ARHGEF3: variants seen among roughly 807,000 people sequenced by gnomAD.
ARHGEF3 encodes 59.8 kDA protein.
In ARHGEF3, 28 loss-of-function variants were observed where a neutral mutation model predicts 63.2. The ratio of observed to expected loss-of-function variants is 0.44; its 90% confidence interval spans 0.33 to 0.61. The LOEUF is 0.61. ARHGEF3 is among the 20% of genes least tolerant of loss of function. ARHGEF3 has a pLI of 0.03. For synonymous variants in ARHGEF3, 266 were observed against 254.2 expected (o/e 1.05, Z -0.44); for missense variants, 533 against 659.3 (o/e 0.81, Z 2.10).
In ARHGEF3 at chr3:56,792,725, C is replaced by T. The variant is rs111482179; in HGVS notation, c.96+8978G>A. Among the ~76,000 whole-genome samples, 589 of 152,328 alleles carry T rather than the reference C, an allele frequency of 3.9e-3. 3 individuals are homozygous for T. Among genetic ancestry groups the T allele is most frequent in the Non-Finnish European group, 5.5e-3 (371 of 68,032 alleles). On this transcript the variant is annotated intron_variant, in intron 1 of 9. Coordinates refer to ENST00000296315, the MANE Select transcript of ARHGEF3 (RefSeq NM_019555.3). ...ATTATGAACAACTTTGGAAACACAG[C>T]CTTTTCTCCACTAGAGCTAGAATAC...
At chr3:56,841,633 C>T (rs1223975721) in intron 4 of ARHGEF3, among the ~76,000 whole-genome samples, 5 of 152,166 alleles carry the variant, frequency 3.3e-5, no homozygotes, top group Non-Finnish European at 5.9e-5. Flanking sequence ...AGAGACCTCA[C>T]CCCCACAAAG....
At chr3:56,971,284 G>A (rs767159182) in intron 2 of ARHGEF3, among the ~76,000 whole-genome samples, 3 of 152,098 alleles carry the variant, frequency 2.0e-5, no homozygotes, top group Non-Finnish European at 4.4e-5. Context: ...TCTTCTAAGC[G>A]CCCGGCAGGG....
At chr3:56,949,749 A>G (rs1179158436) in intron 3 of ARHGEF3, among the ~76,000 whole-genome samples, 2 of 152,050 alleles carry the variant, frequency 1.3e-5, no homozygotes, top group Non-Finnish European at 2.9e-5. Context: ...CAAGCTACCA[A>G]TGATTTTCTT....
At chr3:56,868,953 G>A (rs769745783) in intron 4 of ARHGEF3, among the ~76,000 whole-genome samples, 12 of 152,084 alleles carry the variant, frequency 7.9e-5, no homozygotes, top group African/African-American at 2.2e-4. Flanking sequence ...TAGTGGACGC[G>A]CTGAGTGAAT....
chr3:56,941,472 T>C (rs1010636039), intron 3 of ARHGEF3, among the ~76,000 whole-genome samples: 1 of 152,212 alleles, frequency 6.6e-6, no homozygotes, highest in African/African-American at 2.4e-5. Context: ...CCTCCCAAAG[T>C]GCTGGGATTA....
At chr3:56,957,724 G>A (rs961487554) in intron 3 of ARHGEF3, among the ~76,000 whole-genome samples, 2 of 152,270 alleles carry the variant, frequency 1.3e-5, no homozygotes, top group African/African-American at 2.4e-5. Context: ...AGACCCAGTG[G>A]GTAAAGTGTG....
chr3:56,779,623 T>TGC (rs1456778008), intron 1 of ARHGEF3, among the ~76,000 whole-genome samples: 1 of 152,250 alleles, frequency 6.6e-6, no homozygotes, highest in Non-Finnish European at 1.5e-5. Context: ...TTCCTGCTTC[T>TGC]GCCTCTTCCC....
At chr3:56,992,413 A>AAAAAAAC (rs1701798718) in intron 2 of ARHGEF3, among the ~76,000 whole-genome samples, 1 of 133,684 alleles carries the variant, frequency 7.5e-6, no homozygotes, top group South Asian at 2.5e-4. Flanking sequence ...AAAAAAAAAA[A>AAAAAAAC]ACAGAAAGAA....
In ARHGEF3 at chr3:56,773,715, G is replaced by T. The variant is rs776873222; in HGVS notation, c.198C>A (p.Thr66=). The T allele has an allele frequency of 1.3e-6, 2 of 1,583,192 alleles. No homozygotes were observed. The highest frequency in any genetic ancestry group is 2.3e-5 in the East Asian group (1 of 43,924). The stretch of plus-strand genomic sequence containing the variant: ...CCCTGTGTGCCCTTCTTACCTGCAG[G>T]GTTTGACTGAAGCGCTTTAATGGCG... ...KATPLKRFSQ[T]LQRSISFRSE... is the part of the protein sequence containing the mutation. Residue 66 remains threonine (T), a synonymous_variant, in exon 2 of 10, where the codon ACC becomes ACA. Transcript: ENST00000296315.
intron 2 of ARHGEF3, among the ~76,000 whole-genome samples, chr3:57,022,703 C>T (rs1703308214): frequency 6.6e-6 from 1 of 151,898 alleles, no homozygotes; most frequent in African/African-American, 2.4e-5. Flanking sequence ...CCGAGACTGC[C>T]CTGTCCAGTC....
chr3:56,963,170 T>C (rs1330557791), intron 2 of ARHGEF3, among the ~76,000 whole-genome samples: 1 of 152,058 alleles, frequency 6.6e-6, no homozygotes, highest in African/African-American at 2.4e-5. Context: ...GTGGGGCTAA[T>C]AATCCCTTTT....
At chr3:57,063,112 C>T (rs1203556367) in intron 1 of ARHGEF3, among the ~76,000 whole-genome samples, 1 of 152,164 alleles carries the variant, frequency 6.6e-6, no homozygotes, top group East Asian at 1.9e-4. Context: ...CCAAGCTCTG[C>T]AGATATTGGG....
intron 4 of ARHGEF3, among the ~76,000 whole-genome samples, chr3:56,881,116 A>G (rs1481386911): frequency 1.3e-5 from 2 of 152,208 alleles, no homozygotes; most frequent in Admixed American, 6.5e-5. Context: ...CCTTTTCACA[A>G]TGGTTTTAGA....
At chr3:56,798,905 A>G (rs2037503635) in intron 1 of ARHGEF3, among the ~76,000 whole-genome samples, 2 of 152,188 alleles carry the variant, frequency 1.3e-5, no homozygotes, top group Admixed American at 6.5e-5. Context: ...AAAATTAAAC[A>G]TTTGCCAACC....
intron 4 of ARHGEF3, among the ~76,000 whole-genome samples, chr3:56,811,957 A>G (rs1458365259): frequency 6.6e-6 from 1 of 152,178 alleles, no homozygotes; most frequent in South Asian, 2.1e-4. Flanking sequence ...CAGCCTGCTC[A>G]TATTGACTGA....
chr3:56,994,078 A>AAAAAAAAAAAAAAAAAAAAAAAAAAAAAC (rs1701879809), intron 2 of ARHGEF3, among the ~76,000 whole-genome samples: 1 of 137,822 alleles, frequency 7.3e-6, no homozygotes, highest in Non-Finnish European at 1.6e-5. Flanking sequence ...AAAAAAAAAA[A>AAAAAAAAAAAAAAAAAAAAAAAAAAAAAC]AAAAAAAGCA....
At chr3:56,963,553 T>C (rs1279897520) in intron 2 of ARHGEF3, among the ~76,000 whole-genome samples, 1 of 152,232 alleles carries the variant, frequency 6.6e-6, no homozygotes, top group African/African-American at 2.4e-5. Context: ...GTCAGCAAGT[T>C]GTATATGTTT....
At chr3:56,748,320 G>A (rs2034517308) in intron 6 of ARHGEF3, among the ~76,000 whole-genome samples, 1 of 152,124 alleles carries the variant, frequency 6.6e-6, no homozygotes, top group Non-Finnish European at 1.5e-5. Context: ...GTGAGCCACT[G>A]TGCTTGGGCC....
chr3:57,013,919 A>C (rs960112629), intron 2 of ARHGEF3, among the ~76,000 whole-genome samples: 1 of 152,250 alleles, frequency 6.6e-6, no homozygotes, highest in Non-Finnish European at 1.5e-5. Flanking sequence ...CGGAGCCAGC[A>C]GCGGCAACTC....
Sources: gnomAD v4.1 joint callset for allele counts (sites outside exome capture counted in the v4.1 genomes callset) on GRCh38, gnomAD v4.1.1 for gene constraint, MANE v1.5 for transcripts, NCBI Gene and HGNC (gene_info 2026-07-23, HGNC 2026-07-21) for gene names.